ARL15: variants seen among roughly 807,000 people sequenced by gnomAD.
ARL15 encodes ARF like GTPase 15, also known as ADP-ribosylation factor-like protein 15.
A neutral mutation model predicts 25.2 loss-of-function variants in ARL15; 19 were observed. The observed-to-expected ratio is 0.75, with a 90% CI of 0.53 to 1.10. The LOEUF (loss-of-function observed/expected upper bound fraction) is 1.10. Among genes scored for constraint, ARL15 ranks in the 50% least tolerant of loss-of-function variants. The pLI is 0.00. For missense variants in ARL15, 220 were observed against 246.0 expected (o/e 0.89, Z 0.71); for synonymous variants, 94 against 86.8 (o/e 1.08, Z -0.46).
At chr5:54,202,212 T>C (rs1025108403) in intron 1 of ARL15, among the ~76,000 whole-genome samples, 3 of 152,174 alleles carry the variant, frequency 2.0e-5, no homozygotes, top group Admixed American at 6.6e-5. Flanking sequence ...AGTATTATGG[T>C]AGGCAGAATA....
intron 4 of ARL15, among the ~76,000 whole-genome samples, chr5:53,972,487 C>T (rs529237011): frequency 4.7e-4 from 72 of 152,182 alleles, no homozygotes; most frequent in African/African-American, 1.7e-3. Flanking sequence ...GTCATTTAAT[C>T]TTTCCGGGTC....
chr5:53,989,946 G>A (rs920961832), intron 4 of ARL15, among the ~76,000 whole-genome samples: 7 of 152,248 alleles, frequency 4.6e-5, no homozygotes, highest in Admixed American at 2.6e-4. Flanking sequence ...TTTAAAGAAA[G>A]CACAAGGCTG....
intron 3 of ARL15, among the ~76,000 whole-genome samples, chr5:54,142,475 G>T (rs1753803948): frequency 1.3e-5 from 2 of 152,146 alleles, no homozygotes; most frequent in Non-Finnish European, 2.9e-5. Flanking sequence ...AGATCAGTCA[G>T]AAAGAACAAC....
chr5:54,188,376 T>G (rs554088292), intron 1 of ARL15, among the ~76,000 whole-genome samples: 1 of 152,268 alleles, frequency 6.6e-6, no homozygotes, highest in African/African-American at 2.4e-5. Context: ...GGAAATAATT[T>G]ATGATATTCT....
intron 4 of ARL15, among the ~76,000 whole-genome samples, chr5:54,011,732 C>T (rs561191596): frequency 2.5e-4 from 38 of 152,190 alleles, no homozygotes; most frequent in Admixed American, 7.9e-4. Flanking sequence ...GCATAAGGGC[C>T]GGGTGTTGTG....
chr5:54,207,605 G>A (rs62372179), intron 1 of ARL15, among the ~76,000 whole-genome samples: 2,724 of 152,182 alleles, frequency 0.018, 34 homozygotes, highest in Non-Finnish European at 0.025. Context: ...AAACACACTT[G>A]GACATAAAAA....
intron 4 of ARL15, among the ~76,000 whole-genome samples, chr5:54,065,090 T>C (rs1179154319): frequency 1.3e-5 from 2 of 152,200 alleles, no homozygotes; most frequent in Admixed American, 1.3e-4. Flanking sequence ...TGACAGGATC[T>C]GTAAGCTATT....
intron 4 of ARL15, among the ~76,000 whole-genome samples, chr5:53,923,320 A>T (rs1745914746): frequency 6.6e-6 from 1 of 152,106 alleles, no homozygotes; most frequent in South Asian, 2.1e-4. Context: ...TTTTGCTAAG[A>T]TCATAAAACT....
At chr5:53,943,968 G>C (rs1297107129) in intron 4 of ARL15, among the ~76,000 whole-genome samples, 1 of 152,172 alleles carries the variant, frequency 6.6e-6, no homozygotes, top group Non-Finnish European at 1.5e-5. Flanking sequence ...AAATGGTCTG[G>C]AAGTGGCAGT....
At chr5:54,044,058 T>C (rs1750430697) in intron 4 of ARL15, among the ~76,000 whole-genome samples, 2 of 152,074 alleles carry the variant, frequency 1.3e-5, no homozygotes, top group Non-Finnish European at 2.9e-5. Flanking sequence ...GCATCATGAC[T>C]ACTAGTTCAC....
At chr5:54,185,972 G>C (rs992470591) in intron 1 of ARL15, among the ~76,000 whole-genome samples, 3 of 152,060 alleles carry the variant, frequency 2.0e-5, no homozygotes, top group South Asian at 4.1e-4. Flanking sequence ...CATTTGGTTT[G>C]CAATAATAAC....
intron 4 of ARL15, among the ~76,000 whole-genome samples, chr5:54,029,305 TTA>T (rs1749885851): frequency 7.3e-6 from 1 of 136,440 alleles, no homozygotes. Flanking sequence ...ATAAAAACAG[TTA>T]CCACCACCAC....
chr5:54,142,800 T>C (rs1004734226), intron 3 of ARL15, among the ~76,000 whole-genome samples: 102 of 152,354 alleles, frequency 6.7e-4, no homozygotes, highest in African/African-American at 2.4e-3. Flanking sequence ...TTTCCTTTTA[T>C]GGATCATGCT....
chr5:54,248,334 C>T (rs970762990), intron 1 of ARL15, among the ~76,000 whole-genome samples: 2 of 152,186 alleles, frequency 1.3e-5, no homozygotes, highest in Admixed American at 6.5e-5. Flanking sequence ...CCACCTCCAA[C>T]CTTACCTATC....
At chr5:54,029,341 C>CCACCACCACCACCACCAT in intron 4 of ARL15, among the ~76,000 whole-genome samples, 1 of 138,746 alleles carries the variant, frequency 7.2e-6, no homozygotes, top group Non-Finnish European at 1.6e-5. Context: ...ACTACCACCA[C>CCACCACCACCACCACCAT]CACCACCACC....
chr5:54,005,439 G>A (rs997957593), intron 4 of ARL15, among the ~76,000 whole-genome samples: 2 of 152,078 alleles, frequency 1.3e-5, no homozygotes, highest in Non-Finnish European at 2.9e-5. Flanking sequence ...ATGCTTTATT[G>A]GACCGGGTGC....
intron 4 of ARL15, among the ~76,000 whole-genome samples, chr5:54,079,255 C>T (rs1312697722): frequency 6.6e-6 from 1 of 152,126 alleles, no homozygotes; most frequent in Non-Finnish European, 1.5e-5. Context: ...TAATTATGCA[C>T]TGAAGTTCAT....
intron 2 of ARL15, among the ~76,000 whole-genome samples, chr5:54,160,533 C>T (rs1434045376): frequency 1.3e-5 from 2 of 152,096 alleles, no homozygotes; most frequent in African/African-American, 4.8e-5. Flanking sequence ...GTTTAACAAC[C>T]CCTCTTATCA....
chr5:54,039,341 C>A (rs1402076344), intron 4 of ARL15, among the ~76,000 whole-genome samples: 1 of 151,928 alleles, frequency 6.6e-6, no homozygotes, highest in Non-Finnish European at 1.5e-5. Context: ...TAGAGAAAAA[C>A]AAAAAGTGTA....
Sources: gnomAD v4.1 joint callset for allele counts (sites outside exome capture counted in the v4.1 genomes callset) on GRCh38, gnomAD v4.1.1 for gene constraint, MANE v1.5 for transcripts, NCBI Gene and HGNC (gene_info 2026-07-23, HGNC 2026-07-21) for gene names.